Variants in CDIP1 observed in about 807,000 individuals in gnomAD.
CDIP1 encodes the protein cell death inducing p53 target 1, also known as cell death-inducing p53-target protein 1.
Under a neutral mutation model 17.7 loss-of-function variants are expected in CDIP1, and 9 were observed. The observed-to-expected ratio is 0.51, with a 90% CI of 0.31 to 0.89. The LOEUF is 0.89. Ranked by LOEUF, CDIP1 falls within the 40% of genes least tolerant of loss-of-function variation. The pLI, the probability that CDIP1 is intolerant of heterozygous loss-of-function variation, is 0.05. For missense variants in CDIP1, 263 were observed against 277.9 expected (o/e 0.95, Z 0.38); for synonymous variants, 117 against 109.5 (o/e 1.07, Z -0.43).
chr16:4,538,023 G>C (rs891715343), intron 1 of CDIP1, among the ~76,000 whole-genome samples: 11 of 152,318 alleles, frequency 7.2e-5, no homozygotes, highest in Non-Finnish European at 1.5e-4. Flanking sequence ...GCAGGGGCTG[G>C]CTCGGCCACG....
chr16:4,532,710 C>T (rs1011349513), intron 1 of CDIP1: 3 of 152,238 alleles, frequency 2.0e-5, no homozygotes, highest in African/African-American at 7.2e-5. Context: ...CCACCTCCAG[C>T]AGGTATAGTT....
intron 1 of CDIP1, among the ~76,000 whole-genome samples, chr16:4,527,124 G>C (rs1039166832): frequency 2.0e-5 from 3 of 149,778 alleles, no homozygotes; most frequent in African/African-American, 7.4e-5. Flanking sequence ...GTCTCGCACT[G>C]TCGCCCAGGC....
chr16:4,530,208 T>A (rs1458881230), intron 1 of CDIP1, among the ~76,000 whole-genome samples: 1 of 152,248 alleles, frequency 6.6e-6, no homozygotes, highest in Non-Finnish European at 1.5e-5. Context: ...ATTTGTATTT[T>A]ACACTACATT....
rs532686054 is a variant in CDIP1 at position 4,517,754 on chromosome 16, A to C, written c.-104-3090T>G. Among the ~76,000 whole-genome samples the C allele has an allele frequency of 2.9e-3, 441 of 152,074 alleles. 2 individuals are homozygous for C. The highest frequency in any genetic ancestry group is 6.8e-3 in the Middle Eastern group (2 of 294). On this transcript the variant is annotated intron_variant, in intron 1 of 5. Transcript: ENST00000567695. ...AGACCCTGTCTCAAAAAACAAAAAAAAAAAAAACAGAACAGGGAGTAGCAG... is the reference window on the plus strand; with the variant it reads ...AGACCCTGTCTCAAAAAACAAAAAACAAAAAAACAGAACAGGGAGTAGCAG...
In CDIP1 at chr16:4,512,990, G is replaced by C. The variant is rs200612143; in HGVS notation, c.316C>G (p.Pro106Ala). The stretch of plus-strand genomic sequence containing the variant: ...GTGGCTGTGTGGCCCCCAGGGCCAG[G>C]GTAGGGCCCTGGCGTGTAGGGCCCT... The part of the protein sequence containing the change: ...PPGPYTPGPY[P>A]GPGGHTATVL... The change falls in exon 5 of 6, where the codon CCT (proline) becomes GCT (alanine). Residue 106 changes from proline (P) to alanine (A), a missense_variant. Physicochemically the swap from Pro to Ala is conservative, Grantham distance 27. Coordinates refer to ENST00000567695, the MANE Select transcript of CDIP1 (RefSeq NM_013399.3). This position sits in a 1 kb window ranked among gnomAD's most constrained non-coding sequence, Gnocchi z 4.6. The C allele has an allele frequency of 2.5e-6, 4 of 1,590,214 alleles. No homozygotes were observed. The highest frequency in any genetic ancestry group is 2.3e-5 in the South Asian group (2 of 87,402).
chr16:4,524,323 A>C (rs1446642828), intron 1 of CDIP1: 3 of 152,320 alleles, frequency 2.0e-5, no homozygotes, highest in African/African-American at 4.8e-5. Context: ...AGAAGGCAGA[A>C]TAACAAGATC....
At chr16:4,535,175 C>T (rs962390607) in intron 1 of CDIP1, among the ~76,000 whole-genome samples, 1 of 152,286 alleles carries the variant, frequency 6.6e-6, no homozygotes, top group South Asian at 2.1e-4. Flanking sequence ...AAAACCCAGA[C>T]ACTGGGACTA....
intron 1 of CDIP1, among the ~76,000 whole-genome samples, chr16:4,517,995 G>A (rs1025766227): frequency 6.6e-6 from 1 of 152,180 alleles, no homozygotes; most frequent in African/African-American, 2.4e-5. Context: ...TGGCACCACC[G>A]TCCACCAAGT....
chr16:4,511,372 G>T lies in CDIP1; in HGVS notation c.*1200C>A. On this transcript the variant is annotated 3_prime_UTR_variant, in exon 6 of 6. Coordinates refer to ENST00000567695, the MANE Select transcript of CDIP1 (RefSeq NM_013399.3). Reference sequence around the variant, plus strand: ...TAATGAGAAACTACAAACTGAGACTGGGCCACGATTCACAGTGACAGGAGG... The same window carrying T: ...TAATGAGAAACTACAAACTGAGACTTGGCCACGATTCACAGTGACAGGAGG... 6.5e-6 allele frequency: 1 copy of T among 152,880 alleles called. No individual in the cohort carries two copies. 9.5% of individuals were successfully genotyped at this position (152,880 alleles called of 1,614,324 possible).
At chr16:4,531,703 C>T (rs2059058277) in intron 1 of CDIP1, among the ~76,000 whole-genome samples, 1 of 152,260 alleles carries the variant, frequency 6.6e-6, no homozygotes, top group Non-Finnish European at 1.5e-5. Context: ...AGGACCTCAG[C>T]TGTCCTGACT....
At chr16:4,520,460 G>GT (rs1258563818) in intron 1 of CDIP1, among the ~76,000 whole-genome samples, 1 of 152,096 alleles carries the variant, frequency 6.6e-6, no homozygotes, top group Admixed American at 6.6e-5. Flanking sequence ...CTTAACAATG[G>GT]TTTTTTTCTA....
At chr16:4,534,822 G>T (rs1466822343) in intron 1 of CDIP1, among the ~76,000 whole-genome samples, 1 of 151,236 alleles carries the variant, frequency 6.6e-6, no homozygotes, top group African/African-American at 2.4e-5. Flanking sequence ...AGGTTCAACT[G>T]ATTCTCCTGT....
At chr16:4,532,904 A>C (rs2059070271) in intron 1 of CDIP1, 1 of 152,234 alleles carries the variant, frequency 6.6e-6, no homozygotes, top group South Asian at 2.1e-4. Flanking sequence ...TGCTCACTTG[A>C]GGCCTTCTCC....
intron 1 of CDIP1, among the ~76,000 whole-genome samples, chr16:4,519,714 G>T (rs1465737859): frequency 2.6e-5 from 4 of 152,154 alleles, no homozygotes; most frequent in African/African-American, 7.2e-5. Context: ...GGGTGGAGGA[G>T]AAGCGAGTGA....
At chr16:4,520,331 T>C (rs985235368) in intron 1 of CDIP1, among the ~76,000 whole-genome samples, 1 of 152,128 alleles carries the variant, frequency 6.6e-6, no homozygotes, top group Admixed American at 6.6e-5. Flanking sequence ...TCTCAATCTC[T>C]TGACCTCGTC....
chr16:4,528,857 C>T (rs1048599179), intron 1 of CDIP1, among the ~76,000 whole-genome samples: 12 of 151,928 alleles, frequency 7.9e-5, no homozygotes, highest in Admixed American at 3.3e-4. Flanking sequence ...GGCGTGGTGG[C>T]GCATGCCTGT....
chr16:4,531,097 C>T (rs781397193), intron 1 of CDIP1, among the ~76,000 whole-genome samples: 15 of 151,990 alleles, frequency 9.9e-5, no homozygotes, highest in Non-Finnish European at 7.4e-5. Flanking sequence ...GGCGTGATCT[C>T]GGCTCATTGC....
rs2141626837 is a variant in CDIP1 at position 4,513,151 on chromosome 16, A to G, written c.242-87T>C. 1 of 1,344,662 alleles carries G rather than the reference A, an allele frequency of 7.4e-7. No individual in the cohort carries two copies. The highest frequency in any genetic ancestry group is 2.4e-5 in the East Asian group (1 of 41,008). The allele number at this position is 1,344,662 out of a possible 1,614,324, so 83.3% of individuals were successfully genotyped here. A position where few individuals can be genotyped will look rare whatever the true frequency, so the allele number is the denominator to read the frequency against. ...AGATTGGCGCAAAGCCCCACGGTCC[A>G]CAGCGCCCAGCGTGCAAGGCTACGC... On this transcript the variant is annotated intron_variant, in intron 4 of 5. Transcript: ENST00000567695. This position sits in a 1 kb window ranked among gnomAD's most constrained non-coding sequence, Gnocchi z 4.1.
At chr16:4,534,157 G>A (rs1466605611) in intron 1 of CDIP1, among the ~76,000 whole-genome samples, 1 of 151,862 alleles carries the variant, frequency 6.6e-6, no homozygotes, top group African/African-American at 2.4e-5. Flanking sequence ...CACCATGTTG[G>A]CCAGGCTGGT....
Sources: gnomAD v4.1 joint callset for allele counts (sites outside exome capture counted in the v4.1 genomes callset) on GRCh38, gnomAD v4.1.1 for gene constraint, Gnocchi (gnomAD v3.1) non-coding constraint, MANE v1.5 for transcripts, NCBI Gene and HGNC (gene_info 2026-07-23, HGNC 2026-07-21) for gene names.